The following CPLANE1 variants were observed in gnomAD, a reference collection of about 807,000 sequenced individuals.
CPLANE1 encodes ciliogenesis and planar polarity effector 1.
CPLANE1 carries 263 observed loss-of-function variants against 362.5 expected under a neutral mutation model. That is an observed-to-expected ratio of 0.73 (90% CI 0.66 to 0.80). The LOEUF (loss-of-function observed/expected upper bound fraction) is 0.80, where lower values mean the gene tolerates loss of function less well. Among genes scored for constraint, CPLANE1 ranks in the 30% least tolerant of loss-of-function variants. The probability of loss-of-function intolerance (pLI) is 0.00; values close to 1 mark genes in which losing one functional copy is unlikely to be tolerated. For missense variants in CPLANE1, 3,461 were observed against 3,793.4 expected, an observed-to-expected ratio of 0.91 and a Z score of 2.30; for synonymous variants, 1,212 against 1,302.6, an observed-to-expected ratio of 0.93 and a Z score of 1.50.
At chr5:37,076,531 CA>C in the CPLANE1 span, among the ~76,000 whole-genome samples, 7 of 151,826 alleles carry the variant, frequency 4.6e-5, no homozygotes, top group African/African-American at 1.7e-4. Flanking sequence ...AGGCTGGTCT[CA>C]AACTCCTGAC....
chr5:37,157,394 T>C lies in CPLANE1; in HGVS notation c.8038A>G (p.Lys2680Glu). ...QEVTPACLDG[K>E]SLRAGITEVK... Reference sequence around the variant, plus strand: ...TCTGTAATGCCTGCTCTCAAGCTTTTTCCATCCAGACAAGCTGGAGTTACT... The same window carrying C: ...TCTGTAATGCCTGCTCTCAAGCTTTCTCCATCCAGACAAGCTGGAGTTACT... The change falls in exon 41 of 53, where the codon AAA becomes GAA. Residue 2680 changes from lysine (K) to glutamate (E), a missense_variant. This residue lies in a region of CPLANE1 where 3,380 missense variants were observed against 3,666.1 expected (regional missense o/e 0.92). Coordinates refer to ENST00000651892, the MANE Select transcript of CPLANE1 (RefSeq NM_001384732.1). 1 of 1,436,356 alleles carries C rather than the reference T, an allele frequency of 7.0e-7. No homozygotes were observed. Among genetic ancestry groups the C allele is most frequent in the Non-Finnish European group, 9.3e-7 (1 of 1,076,928 alleles). 89.0% of individuals were successfully genotyped at this position (1,436,356 alleles called of 1,614,324 possible).
At chr5:37,116,447 C>T (rs1402081484) in intron 50 of CPLANE1, among the ~76,000 whole-genome samples, 1 of 134,348 alleles carries the variant, frequency 7.4e-6, no homozygotes, top group Non-Finnish European at 1.5e-5. Flanking sequence ...GATCACGCCA[C>T]TGCACTCCAG....
intron 21 of CPLANE1, among the ~76,000 whole-genome samples, chr5:37,192,145 A>G (rs1785716564): frequency 6.6e-6 from 1 of 152,178 alleles, no homozygotes; most frequent in Non-Finnish European, 1.5e-5. Context: ...ATATGTTTAT[A>G]TATACAAATA....
the CPLANE1 span, among the ~76,000 whole-genome samples, chr5:37,076,077 A>G: frequency 1.3e-5 from 2 of 151,758 alleles, no homozygotes; most frequent in African/African-American, 4.8e-5. Flanking sequence ...AACCCCTATC[A>G]ATCACTACAA....
chr5:37,138,575 C>T, intron 46 of CPLANE1, 145 bp downstream of exon 46: 1 of 846,514 alleles, frequency 1.2e-6, no homozygotes. Flanking sequence ...AAGAATGACA[C>T]ATATACATAA....
At chr5:37,208,949 GAAAAGAAA>G (rs1459030307) in intron 16 of CPLANE1, among the ~76,000 whole-genome samples, 1 of 58,452 alleles carries the variant, frequency 1.7e-5, no homozygotes, top group African/African-American at 6.6e-5. Flanking sequence ...AAAAAAAAAA[GAAAAGAAA>G]AAAAGAAAAC....
chr5:37,229,054 T>C (rs1797081654), intron 9 of CPLANE1, among the ~76,000 whole-genome samples: 2 of 151,694 alleles, frequency 1.3e-5, no homozygotes, highest in Admixed American at 1.3e-4. Context: ...ACCCCATCTC[T>C]AGTAAAAATA....
chr5:37,145,654 C>G (rs560166955), intron 43 of CPLANE1, among the ~76,000 whole-genome samples: 3 of 151,998 alleles, frequency 2.0e-5, no homozygotes, highest in African/African-American at 7.2e-5. Context: ...CCACTAAAAA[C>G]TAAAAATCTA....
chr5:37,132,178 A>G (rs935300751), intron 46 of CPLANE1, among the ~76,000 whole-genome samples: 4 of 152,070 alleles, frequency 2.6e-5, no homozygotes, highest in South Asian at 2.1e-4. Context: ...GTTTTTGTAC[A>G]ATATTTTCTG....
rs10655258 is a variant in CPLANE1, at chr5:37,217,606, CAAATAAATAAAT to C, written c.2746+3706_2746+3717del. 1.4e-3 allele frequency among the ~76,000 whole-genome samples: 204 copies of C among 147,956 alleles called. 5 individuals are homozygous for C. The East Asian group carries it at 0.033, about 24-fold the overall frequency. ...TGGGCGACAGAGCGAGACACCATCT[CAAATAAATAAAT>C]AAATAAATAAATAAATAAATAAAAA... On this transcript the variant is annotated intron_variant, in intron 15 of 52. Transcript: ENST00000651892.
intron 25 of CPLANE1, among the ~76,000 whole-genome samples, chr5:37,184,051 A>G (rs1484423089): frequency 6.6e-6 from 1 of 152,234 alleles, no homozygotes; most frequent in Non-Finnish European, 1.5e-5. Flanking sequence ...CAAAGTCAAC[A>G]AAAACTCCAA....
chr5:37,224,533 A>ATG lies in CPLANE1; in HGVS notation c.2498_2499insCA (p.Gly834MetfsTer8). 6.5e-7 allele frequency: 1 copy of ATG among 1,540,392 alleles called. No homozygotes were observed. The highest frequency in any genetic ancestry group is 1.4e-5 in the African/African-American group (1 of 72,948). Reference sequence around the variant, plus strand: ...AGAAAATATTCATAAGATACTGACCATTGATAGATTTAAGTTCTAAGGTTT... The same window carrying ATG: ...AGAAAATATTCATAAGATACTGACCATGTTGATAGATTTAAGTTCTAAGGTTT... On this transcript the variant is annotated frameshift_variant and splice_region_variant, in exon 13 of 53. Coordinates refer to ENST00000651892, the MANE Select transcript of CPLANE1 (RefSeq NM_001384732.1).
chr5:37,084,704 C>A, the CPLANE1 span, among the ~76,000 whole-genome samples: 6 of 151,972 alleles, frequency 3.9e-5, no homozygotes, highest in Non-Finnish European at 8.8e-5. Context: ...TGCTTGAACC[C>A]AGGAGGCAGA....
intron 15 of CPLANE1, among the ~76,000 whole-genome samples, chr5:37,216,527 T>A (rs1193070352): frequency 6.6e-6 from 1 of 152,106 alleles, no homozygotes; most frequent in African/African-American, 2.4e-5. Flanking sequence ...CCAGCCTAGG[T>A]GACAGAGTGA....
At chr5:37,200,211 G>A (rs569131771) in intron 19 of CPLANE1, among the ~76,000 whole-genome samples, 8 of 152,186 alleles carry the variant, frequency 5.3e-5, no homozygotes, top group Non-Finnish European at 1.2e-4. Context: ...TTGACCAAGT[G>A]TTTTATTACT....
chr5:37,208,122 G>C (rs1032829974), intron 16 of CPLANE1, among the ~76,000 whole-genome samples: 2 of 152,064 alleles, frequency 1.3e-5, no homozygotes, highest in African/African-American at 4.8e-5. Context: ...GCTAATTTTT[G>C]TATTTTTTGT....
intron 16 of CPLANE1, chr5:37,211,499 T>C: frequency 7.3e-7 from 1 of 1,367,390 alleles, no homozygotes. Context: ...AAGAAAGGAA[T>C]GACATCTTGG....
rs564687165 is a variant in CPLANE1, at chr5:37,129,916, T to C, written c.8793-4507A>G. Among the ~76,000 whole-genome samples, 54 of 152,238 alleles carry C rather than the reference T, an allele frequency of 3.5e-4. 1 individual carries two copies. The South Asian group carries it at 0.011, about 32-fold the overall frequency. ...GGGTATCTACCCAGAGGAAAAGAAGTCATTATATGAAAAAGATACTTACAC... is the reference window on the plus strand; with the variant it reads ...GGGTATCTACCCAGAGGAAAAGAAGCCATTATATGAAAAAGATACTTACAC... On this transcript the variant is annotated intron_variant, in intron 46 of 52. Coordinates refer to ENST00000651892, the MANE Select transcript of CPLANE1 (RefSeq NM_001384732.1).
chr5:37,210,899 A>G, intron 16 of CPLANE1: 1 of 782,774 alleles, frequency 1.3e-6, no homozygotes, highest in Non-Finnish European at 2.4e-6. Context: ...AACAACTGCA[A>G]GATGAAATTG....
Sources: allele counts gnomAD v4.1 joint callset (sites outside exome capture counted in the v4.1 genomes callset), GRCh38; gene constraint gnomAD v4.1.1; regional missense constraint gnomAD v4.1.1; transcripts MANE v1.5; gene names NCBI Gene and HGNC (gene_info 2026-07-23, HGNC 2026-07-21).